YIF1B: variants seen among roughly 807,000 people sequenced by gnomAD.
YIF1B encodes the protein Yip1 interacting factor homolog B, membrane trafficking protein.
In YIF1B, 24 loss-of-function variants were observed where a neutral mutation model predicts 34.6. The observed-to-expected ratio is 0.69, with a 90% CI of 0.50 to 0.98. The LOEUF is 0.98. YIF1B is among the 50% of genes least tolerant of loss of function. The pLI is 0.00. For missense variants in YIF1B, 368 were observed against 429.4 expected, an observed-to-expected ratio of 0.86 and a Z score of 1.26; for synonymous variants, 186 against 184.8, an observed-to-expected ratio of 1.01 and a Z score of -0.05.
chr19:38,309,680 A>G, intron 1 of YIF1B, 37 bp from the exon 2 acceptor site: 1 of 1,572,896 alleles, frequency 6.4e-7, no homozygotes, highest in South Asian at 1.2e-5. Flanking sequence ...CTGGGGACCC[A>G]GGATAGGTAA....
At chr19:38,311,790 G>C (rs1969336040) in intron 1 of YIF1B, among the ~76,000 whole-genome samples, 1 of 152,102 alleles carries the variant, frequency 6.6e-6, no homozygotes, top group Admixed American at 6.5e-5. Context: ...GGGGTGCTCA[G>C]AGGAGGTGTG....
chr19:38,321,609 C>A (rs752233411), upstream of YIF1B, among the ~76,000 whole-genome samples: 2 of 152,246 alleles, frequency 1.3e-5, no homozygotes, highest in Non-Finnish European at 2.9e-5. Context: ...CTCTTTGTTT[C>A]TTTGTTGGGG....
chr19:38,314,252 T>C (rs1969445694), intron 1 of YIF1B, among the ~76,000 whole-genome samples: 2 of 146,850 alleles, frequency 1.4e-5, no homozygotes, highest in African/African-American at 2.5e-5. Flanking sequence ...TGGAGTGCAG[T>C]GGTGAAATCT....
upstream of YIF1B, among the ~76,000 whole-genome samples, chr19:38,317,681 GT>G (rs902248853): frequency 1.3e-4 from 20 of 151,958 alleles, no homozygotes; most frequent in African/African-American, 4.8e-4. Context: ...CTGGGTTCAA[GT>G]GATTCTCCTG....
At chr19:38,307,105 T>C in intron 7 of YIF1B, 1 of 493,168 alleles carries the variant, frequency 2.0e-6, no homozygotes, top group Non-Finnish European at 4.0e-6. Context: ...GGAAGGGCTC[T>C]AGAGAATCTC....
intron 1 of YIF1B, 168 bp from the exon 2 acceptor site, chr19:38,309,811 T>A: frequency 2.8e-6 from 4 of 1,431,626 alleles, no homozygotes; most frequent in Non-Finnish European, 3.6e-6. Flanking sequence ...AGCTCTGCCA[T>A]TCATCCACCA....
intron 1 of YIF1B, 55 bp from the exon 2 acceptor site, chr19:38,309,698 C>G: frequency 6.5e-7 from 1 of 1,547,270 alleles, no homozygotes; most frequent in East Asian, 2.3e-5. Flanking sequence ...TAAGGGAGAC[C>G]TGGCGAACCT....
chr19:38,319,065 G>A (rs1969614977), upstream of YIF1B, among the ~76,000 whole-genome samples: 1 of 151,888 alleles, frequency 6.6e-6, no homozygotes, highest in South Asian at 2.1e-4. Context: ...CTGATTCCAG[G>A]CTTGATCATT....
At position 38,304,924 on chromosome 19, in the gene YIF1B, G is replaced by C. The variant is rs1968930764; in HGVS notation, c.*428C>G. Reference sequence around the variant, plus strand: ...CCCAAAGTGAAGAAGAAGGAGAAGGGCAAGAAGGAGAAGGGCAAGAAGAAG... The same window carrying C: ...CCCAAAGTGAAGAAGAAGGAGAAGGCCAAGAAGGAGAAGGGCAAGAAGAAG... On this transcript the variant is annotated 3_prime_UTR_variant, in exon 8 of 8. Coordinates refer to ENST00000339413, the MANE Select transcript of YIF1B (RefSeq NM_001039672.3). 1 of 1,612,198 alleles carries C rather than the reference G, an allele frequency of 6.2e-7. No homozygotes were observed. Among genetic ancestry groups the C allele is most frequent in the Non-Finnish European group, 8.5e-7 (1 of 1,179,416 alleles).
chr19:38,320,091 G>GCTTCAGCGCAGCCC (rs1969630691), upstream of YIF1B: 1 of 1,546,712 alleles, frequency 6.5e-7, no homozygotes, highest in African/African-American at 1.4e-5. Flanking sequence ...GGGCGCAGCT[G>GCTTCAGCGCAGCCC]CTTCAGCGCA....
chr19:38,305,142 G>T lies in YIF1B; in HGVS notation c.*210C>A. On this transcript the variant is annotated 3_prime_UTR_variant, in exon 8 of 8. Transcript: ENST00000339413. The stretch of plus-strand genomic sequence containing the variant: ...ATGCCCATCAGGGTTTATTGTTTCT[G>T]TAACAGCGGCCACGCCCTGGGGCGG... 7.1e-7 allele frequency: 1 copy of T among 1,413,682 alleles called. No homozygotes were observed. Among genetic ancestry groups the T allele is most frequent in the Non-Finnish European group, 9.4e-7 (1 of 1,064,362 alleles). The allele number at this position is 1,413,682 out of a possible 1,614,324, so 87.6% of individuals were successfully genotyped here. A position where few individuals can be genotyped will look rare whatever the true frequency, so the allele number is the denominator to read the frequency against.
intron 1 of YIF1B, among the ~76,000 whole-genome samples, chr19:38,311,991 G>A (rs553011644): frequency 8.6e-5 from 13 of 151,934 alleles, no homozygotes; most frequent in African/African-American, 2.4e-4. Flanking sequence ...CAGCTACTCC[G>A]GAGGCTGAGG....
At chr19:38,315,722 C>G in intron 1 of YIF1B, 138 bp downstream of exon 1, 5 of 1,609,782 alleles carry the variant, frequency 3.1e-6, no homozygotes, top group Non-Finnish European at 4.2e-6. Flanking sequence ...CCTACCCGAA[C>G]CTGGCATCCC....
Position 38,307,637 on chromosome 19 carries a change from T to C in YIF1B, c.655A>G (p.Thr219Ala), listed in dbSNP as rs1464887421. 1 of 1,613,536 alleles carries C rather than the reference T, an allele frequency of 6.2e-7. No individual in the cohort carries two copies. Among genetic ancestry groups the C allele is most frequent in the Non-Finnish European group, 8.5e-7 (1 of 1,179,976 alleles). ...CCCAAGAAGGCCACCAGGTCGATGGTGGTGAGGTCGGTGTTGACAGTGACC... is the reference window on the plus strand; with the variant it reads ...CCCAAGAAGGCCACCAGGTCGATGGCGGTGAGGTCGGTGTTGACAGTGACC... The part of the protein sequence containing the change: ...YLVTVNTDLT[T>A]IDLVAFLGYK... The change falls in exon 6 of 8, where the codon ACC becomes GCC. Residue 219 changes from threonine (T) to alanine (A), a missense_variant. Thr to Ala is a moderately conservative substitution (Grantham distance 58). This residue lies in a region of YIF1B where 208 missense variants were observed against 247.8 expected (regional missense o/e 0.84). Transcript: ENST00000339413.
Position 38,313,268 on chromosome 19 carries a change from T to C in YIF1B, c.58+2592A>G, listed in dbSNP as rs539163160. On this transcript the variant is annotated intron_variant, in intron 1 of 7. Coordinates refer to ENST00000339413, the MANE Select transcript of YIF1B (RefSeq NM_001039672.3). ...GTGCCTGACCCAGAGTGATCTTTTT[T>C]TTTTTTTTTTGAGACGGAGTCTCAC... 7.9e-4 allele frequency among the ~76,000 whole-genome samples: 107 copies of C among 135,286 alleles called. 2 individuals are homozygous for C. The highest frequency in any genetic ancestry group is 6.8e-3 in the East Asian group (29 of 4,292). The allele number at this position is 135,286 out of a possible 152,430, so 88.8% of individuals were successfully genotyped here.
At chr19:38,321,184 A>G (rs959837510), upstream of YIF1B, among the ~76,000 whole-genome samples, 3 of 152,122 alleles carry the variant, frequency 2.0e-5, no homozygotes, top group Non-Finnish European at 2.9e-5. Flanking sequence ...TGTCCTCACT[A>G]AAGACCTCCC....
upstream of YIF1B, among the ~76,000 whole-genome samples, chr19:38,319,044 T>G (rs1293114958): frequency 2.0e-5 from 3 of 152,052 alleles, no homozygotes; most frequent in Non-Finnish European, 4.4e-5. Flanking sequence ...CCCAGGGCCC[T>G]CTAGGGCTCC....
Position 38,308,684 on chromosome 19 carries a change from G to A in YIF1B, c.539+108C>T, listed in dbSNP as rs2146301996. The A allele has an allele frequency of 2.1e-6, 3 of 1,404,700 alleles. No individual in the cohort carries two copies. In the East Asian group the frequency reaches 6.8e-5, roughly 32 times the overall value. The allele number at this position is 1,404,700 out of a possible 1,614,324, so 87.0% of individuals were successfully genotyped here. On this transcript the variant is annotated intron_variant, in intron 5 of 7. Coordinates refer to ENST00000339413, the MANE Select transcript of YIF1B (RefSeq NM_001039672.3). ...GTATCTTGGGCCAACTGGGAGCAAA[G>A]TGGGGCTGTCCTGAAAGGGGAACTG... is the stretch of plus-strand genomic sequence containing the variant.
intron 1 of YIF1B, among the ~76,000 whole-genome samples, chr19:38,314,005 C>A (rs1205742149): frequency 6.6e-6 from 1 of 152,110 alleles, no homozygotes; most frequent in East Asian, 1.9e-4. Flanking sequence ...GCACAGGCCT[C>A]CAATGCCTTT....
Sources: allele counts gnomAD v4.1 joint callset (sites outside exome capture counted in the v4.1 genomes callset), GRCh38; gene constraint gnomAD v4.1.1; regional missense constraint gnomAD v4.1.1; transcripts MANE v1.5; gene names NCBI Gene and HGNC (gene_info 2026-07-23, HGNC 2026-07-21).